AGBL1: variants seen among roughly 807,000 people sequenced by gnomAD.
AGBL1 encodes cytosolic carboxypeptidase 4.
Under a neutral mutation model 118.9 loss-of-function variants are expected in AGBL1, and 130 were observed. That is an observed-to-expected ratio of 1.09 (90% CI 0.95 to 1.26). AGBL1 has a LOEUF of 1.26. Ranked by LOEUF, AGBL1 falls within the 50% of genes most tolerant of loss-of-function variation. The pLI is 0.00. For synonymous variants in AGBL1, 555 were observed against 478.9 expected, an observed-to-expected ratio of 1.16 and a Z score of -2.08; for missense variants, 1,584 against 1,298.1, an observed-to-expected ratio of 1.22 and a Z score of -3.38.
chr15:86,132,785 G>A (rs978523859), intron 1 of AGBL1, among the ~76,000 whole-genome samples: 26 of 152,184 alleles, frequency 1.7e-4, no homozygotes, highest in Non-Finnish European at 3.4e-4. Flanking sequence ...TCTGCCCAGA[G>A]CATGCAATCT....
chr15:86,984,218 T>C (rs968107507), intron 23 of AGBL1, among the ~76,000 whole-genome samples: 6 of 152,330 alleles, frequency 3.9e-5, no homozygotes, highest in Non-Finnish European at 7.3e-5. Context: ...TAGCTACTAT[T>C]ATTTAAATGG....
chr15:86,921,847 C>T (rs573697659), intron 23 of AGBL1, among the ~76,000 whole-genome samples: 5 of 152,206 alleles, frequency 3.3e-5, no homozygotes, highest in South Asian at 4.2e-4. Context: ...CCAGACTGTC[C>T]GCTCTCCCAT....
chr15:86,802,784 C>G (rs1047085560), intron 22 of AGBL1, among the ~76,000 whole-genome samples: 1 of 152,126 alleles, frequency 6.6e-6, no homozygotes, highest in African/African-American at 2.4e-5. Context: ...TGTGGTCAGA[C>G]AGACCTGCAT....
intron 21 of AGBL1, among the ~76,000 whole-genome samples, chr15:86,609,977 G>A (rs892953084): frequency 6.6e-6 from 1 of 152,128 alleles, no homozygotes; most frequent in Non-Finnish European, 1.5e-5. Context: ...CACACCACTT[G>A]TGCAAGTTCA....
At chr15:86,520,153 C>A (rs902398744) in intron 18 of AGBL1, among the ~76,000 whole-genome samples, 3 of 152,086 alleles carry the variant, frequency 2.0e-5, no homozygotes, top group African/African-American at 7.2e-5. Context: ...AGGTAAGGAA[C>A]CAATGAATGT....
intron 22 of AGBL1, among the ~76,000 whole-genome samples, chr15:86,707,670 C>G (rs12911331): frequency 0.33 from 49,850 of 151,908 alleles, 9,741 homozygotes; most frequent in Non-Finnish European, 0.44. Context: ...AATAAAAATC[C>G]TTTTTTCTGG....
intron 5 of AGBL1, among the ~76,000 whole-genome samples, chr15:86,164,605 C>T (rs2077311928): frequency 1.3e-5 from 2 of 152,180 alleles, no homozygotes; most frequent in African/African-American, 4.8e-5. Context: ...AGCCACATCC[C>T]CTCTGATCCT....
At chr15:86,286,476 C>G (rs2079449875) in intron 16 of AGBL1, among the ~76,000 whole-genome samples, 1 of 151,982 alleles carries the variant, frequency 6.6e-6, no homozygotes, top group South Asian at 2.1e-4. Flanking sequence ...CTTGTTCCCG[C>G]TCCTCCAGGC....
At chr15:86,659,560 C>T (rs551892254) in intron 21 of AGBL1, among the ~76,000 whole-genome samples, 17 of 152,244 alleles carry the variant, frequency 1.1e-4, no homozygotes, top group South Asian at 8.3e-4. Context: ...CTACCCGCCA[C>T]GGCGTCTTTA....
intron 2 of AGBL1, among the ~76,000 whole-genome samples, chr15:86,142,772 G>C (rs4887199): frequency 6.6e-6 from 1 of 152,112 alleles, no homozygotes; most frequent in Non-Finnish European, 1.5e-5. Context: ...AGTCTTTCAC[G>C]TGGGGCCTGT....
At chr15:86,973,831 C>A (rs1017127847) in intron 23 of AGBL1, among the ~76,000 whole-genome samples, 6 of 149,474 alleles carry the variant, frequency 4.0e-5, no homozygotes, top group African/African-American at 1.5e-4. Flanking sequence ...ATTATAAAAT[C>A]TGCGTACCCC....
chr15:86,499,253 T>C, intron 18 of AGBL1, among the ~76,000 whole-genome samples: 1 of 151,880 alleles, frequency 6.6e-6, no homozygotes, highest in East Asian at 1.9e-4. Context: ...ATAATGATAA[T>C]TTTTGCCTGG....
At chr15:86,196,936 T>C (rs1302841394) in intron 5 of AGBL1, among the ~76,000 whole-genome samples, 1 of 145,804 alleles carries the variant, frequency 6.9e-6, no homozygotes, top group Non-Finnish European at 1.5e-5. Flanking sequence ...CGAAAGGCCA[T>C]ATGAGGACAT....
chr15:86,409,474 C>G (rs2081580569), intron 18 of AGBL1, among the ~76,000 whole-genome samples: 1 of 152,144 alleles, frequency 6.6e-6, no homozygotes, highest in Non-Finnish European at 1.5e-5. Context: ...CCACCATCGC[C>G]TGCATACACA....
chr15:86,249,969 A>G (rs2078784035), intron 7 of AGBL1, among the ~76,000 whole-genome samples: 1 of 152,218 alleles, frequency 6.6e-6, no homozygotes, highest in South Asian at 2.1e-4. Context: ...AGAAGCTTCC[A>G]GCCTTGAACT....
intron 18 of AGBL1, among the ~76,000 whole-genome samples, chr15:86,503,832 T>C (rs2142164499): frequency 6.6e-6 from 1 of 151,674 alleles, no homozygotes; most frequent in Non-Finnish European, 1.5e-5. Flanking sequence ...TATTAAAACT[T>C]GTTTTATGGC....
At chr15:86,717,100 G>T (rs1239532984) in intron 22 of AGBL1, among the ~76,000 whole-genome samples, 2 of 152,198 alleles carry the variant, frequency 1.3e-5, no homozygotes, top group Non-Finnish European at 2.9e-5. Context: ...AAGCAAGATG[G>T]AAATATGTCC....
At chr15:86,481,056 C>CAA (rs1488965566) in intron 18 of AGBL1, among the ~76,000 whole-genome samples, 1 of 132,224 alleles carries the variant, frequency 7.6e-6, no homozygotes, top group Non-Finnish European at 1.6e-5. Flanking sequence ...GGTAGCAGAA[C>CAA]AAAAGAGGAA....
intron 21 of AGBL1, among the ~76,000 whole-genome samples, chr15:86,618,595 T>C (rs535088218): frequency 4.6e-4 from 70 of 152,350 alleles, no homozygotes; most frequent in Non-Finnish European, 8.1e-4. Context: ...GTTAGTGCTA[T>C]GTAAATGAAT....
Sources: gnomAD v4.1 joint callset for allele counts (sites outside exome capture counted in the v4.1 genomes callset) on GRCh38, gnomAD v4.1.1 for gene constraint, MANE v1.5 for transcripts, NCBI Gene and HGNC (gene_info 2026-07-23, HGNC 2026-07-21) for gene names.